Variants in SGCZ observed in about 807,000 individuals in gnomAD.
SGCZ encodes the protein sarcoglycan zeta, also known as zeta-sarcoglycan.
A neutral mutation model predicts 41.3 loss-of-function variants in SGCZ; 40 were observed. That is an observed-to-expected ratio of 0.97 (90% CI 0.75 to 1.26). SGCZ has a LOEUF of 1.26. SGCZ is among the 50% of genes most tolerant of loss of function. The probability of loss-of-function intolerance (pLI) is 0.00; values close to 1 mark genes in which losing one functional copy is unlikely to be tolerated. For synonymous variants in SGCZ, 206 were observed against 137.5 expected (o/e 1.50, Z -3.49); for missense variants, 552 against 369.8 (o/e 1.49, Z -4.04).
intron 1 of SGCZ, among the ~76,000 whole-genome samples, chr8:14,568,608 C>T (rs1005558855): frequency 2.0e-5 from 3 of 152,000 alleles, no homozygotes; most frequent in Non-Finnish European, 4.4e-5. Context: ...GTCTTCCTAC[C>T]AGCAAACACA....
chr8:14,492,573 CT>C (rs989505408), intron 2 of SGCZ, among the ~76,000 whole-genome samples: 4 of 152,018 alleles, frequency 2.6e-5, no homozygotes, highest in Non-Finnish European at 4.4e-5. Context: ...AAAGTGAAAG[CT>C]TTTTTTTCCA....
chr8:14,126,987 G>A (rs1263127620), intron 5 of SGCZ, among the ~76,000 whole-genome samples: 1 of 151,930 alleles, frequency 6.6e-6, no homozygotes, highest in East Asian at 1.9e-4. Context: ...GGGGGGTCAG[G>A]GGGAGGGAGA....
At chr8:14,120,965 G>C (rs1050140312) in intron 5 of SGCZ, among the ~76,000 whole-genome samples, 2 of 152,162 alleles carry the variant, frequency 1.3e-5, no homozygotes, top group Middle Eastern at 3.4e-3. Context: ...GGAATAATAA[G>C]GCAATCTGAA....
At chr8:14,185,127 C>G (rs1238331483) in intron 4 of SGCZ, among the ~76,000 whole-genome samples, 4 of 152,066 alleles carry the variant, frequency 2.6e-5, no homozygotes, top group Admixed American at 2.6e-4. Flanking sequence ...TTCACCCAGG[C>G]ACGGTGGCTC....
At chr8:14,397,140 T>A (rs965648640) in intron 2 of SGCZ, among the ~76,000 whole-genome samples, 1 of 152,146 alleles carries the variant, frequency 6.6e-6, no homozygotes, top group Non-Finnish European at 1.5e-5. Flanking sequence ...TTTTCTATAA[T>A]TGGAGGTACA....
At chr8:14,710,369 C>CAAAAA (rs770994264) in intron 1 of SGCZ, among the ~76,000 whole-genome samples, 36 of 92,368 alleles carry the variant, frequency 3.9e-4, no homozygotes, top group Non-Finnish European at 4.8e-4. Context: ...GACTCCGCAT[C>CAAAAA]AAAAAAAAAA....
rs539844328 is a variant in SGCZ, at chr8:14,339,182, A to G, written c.235-14978T>C. ...TCTACTGCAAACTTTCTTCTACAGT[A>G]ATTCAATTATCATAGACTTCCTTAA... On this transcript the variant is annotated intron_variant, in intron 2 of 7. Transcript: ENST00000382080. 2.3e-4 allele frequency among the ~76,000 whole-genome samples: 35 copies of G among 152,308 alleles called. 1 individual carries two copies. Among genetic ancestry groups the G allele is most frequent in the African/African-American group, 7.9e-4 (33 of 41,574 alleles).
intron 2 of SGCZ, among the ~76,000 whole-genome samples, chr8:14,462,507 G>A (rs1800930589): frequency 6.6e-6 from 1 of 151,590 alleles, no homozygotes; most frequent in Non-Finnish European, 1.5e-5. Context: ...TGCCTCATTC[G>A]ACCCAATTTT....
At chr8:14,651,140 A>G (rs1234361751) in intron 1 of SGCZ, among the ~76,000 whole-genome samples, 1 of 152,048 alleles carries the variant, frequency 6.6e-6, no homozygotes, top group East Asian at 1.9e-4. Flanking sequence ...TGTTACTATA[A>G]TTGATATCAT....
At chr8:14,903,337 C>T (rs985899477) in intron 1 of SGCZ, among the ~76,000 whole-genome samples, 3 of 152,072 alleles carry the variant, frequency 2.0e-5, no homozygotes, top group African/African-American at 7.2e-5. Context: ...ATTTTATGAT[C>T]CTCACCACTA....
chr8:14,430,285 TA>T (rs1212582034), intron 2 of SGCZ, among the ~76,000 whole-genome samples: 1 of 152,116 alleles, frequency 6.6e-6, no homozygotes, highest in Admixed American at 6.5e-5. Context: ...ACATAGGTGC[TA>T]AAATCCTTAA....
rs141590481 is a variant in SGCZ at position 15,226,849 on chromosome 8, G to A, written c.39+10736C>T. ...CAGAAGGAAAAAAGCAGACTATACA[G>A]TGTGATGGTCTTAATGACCAGTTGG... On this transcript the variant is annotated intron_variant, in intron 1 of 7. Coordinates refer to ENST00000382080, the MANE Select transcript of SGCZ (RefSeq NM_139167.4). 3.0e-3 allele frequency among the ~76,000 whole-genome samples: 455 copies of A among 152,314 alleles called. 1 individual carries two copies. Among genetic ancestry groups the A allele is most frequent in the African/African-American group, 0.011 (442 of 41,568 alleles).
intron 1 of SGCZ, among the ~76,000 whole-genome samples, chr8:14,679,887 T>C (rs982267968): frequency 6.6e-6 from 1 of 152,060 alleles, no homozygotes; most frequent in Admixed American, 6.6e-5. Flanking sequence ...ATATATTTTT[T>C]ATTTTTTTAA....
intron 3 of SGCZ, among the ~76,000 whole-genome samples, chr8:14,303,684 G>A (rs1469951377): frequency 6.6e-6 from 1 of 152,026 alleles, no homozygotes; most frequent in East Asian, 1.9e-4. Flanking sequence ...GGTTTTTAGT[G>A]AAAATATTAG....
At chr8:14,620,476 AG>A (rs1806248433) in intron 1 of SGCZ, among the ~76,000 whole-genome samples, 1 of 152,108 alleles carries the variant, frequency 6.6e-6, no homozygotes, top group Admixed American at 6.5e-5. Context: ...GCACAGCAAA[AG>A]AAACTACCAT....
chr8:14,366,789 A>G (rs76904128), intron 2 of SGCZ, among the ~76,000 whole-genome samples: 2,500 of 152,244 alleles, frequency 0.016, 36 homozygotes, highest in Non-Finnish European at 0.027. Flanking sequence ...TCAGCCTGTA[A>G]TATCAAAGGC....
At chr8:14,533,339 A>T (rs2035143) in intron 2 of SGCZ, among the ~76,000 whole-genome samples, 19,975 of 152,044 alleles carry the variant, frequency 0.13, 1,493 homozygotes, top group East Asian at 0.32. Flanking sequence ...ACACTAAAAA[A>T]ATTGGACCTT....
chr8:14,305,560 T>G (rs1801322950), intron 3 of SGCZ, among the ~76,000 whole-genome samples: 3 of 152,198 alleles, frequency 2.0e-5, no homozygotes. Flanking sequence ...AAATGTTCAC[T>G]CCTTTAAAAA....
chr8:14,762,156 T>C (rs942896633), intron 1 of SGCZ, among the ~76,000 whole-genome samples: 2 of 152,196 alleles, frequency 1.3e-5, no homozygotes, highest in South Asian at 2.1e-4. Context: ...TGAACATTTA[T>C]ACATACTGAA....
Sources: allele counts gnomAD v4.1 joint callset (sites outside exome capture counted in the v4.1 genomes callset), GRCh38; gene constraint gnomAD v4.1.1; transcripts MANE v1.5; gene names NCBI Gene and HGNC (gene_info 2026-07-23, HGNC 2026-07-21).